ANKMY2: variants seen among roughly 807,000 people sequenced by gnomAD.
The protein encoded by ANKMY2 is ankyrin repeat and MYND domain-containing protein 2.
In ANKMY2, 36 loss-of-function variants were observed where a neutral mutation model predicts 50.4. That is an observed-to-expected ratio of 0.71 (90% confidence interval 0.55 to 0.94). ANKMY2 has a LOEUF of 0.94. ANKMY2 is among the 40% of genes least tolerant of loss of function. The pLI is 0.00. For missense variants in ANKMY2, 565 were observed against 524.0 expected (o/e 1.08, Z -0.76); for synonymous variants, 187 against 178.8 (o/e 1.05, Z -0.36).
intron 4 of ANKMY2, 24 bp downstream of exon 4, chr7:16,624,959 T>C: frequency 6.2e-7 from 1 of 1,605,824 alleles, no homozygotes; most frequent in Non-Finnish European, 8.5e-7. Context: ...TATAATCTAA[T>C]GCAAAACTGC....
chr7:16,606,653 T>C (rs540832116), intron 7 of ANKMY2, among the ~76,000 whole-genome samples: 8 of 152,240 alleles, frequency 5.3e-5, no homozygotes, highest in Non-Finnish European at 7.3e-5. Flanking sequence ...CTAAGAATAT[T>C]TGTTTTTATA....
Position 16,645,754 on chromosome 7 carries a change from C to T in ANKMY2, c.-181G>A, listed in dbSNP as rs564044795. ...CGGGCTGGCGGACAGCGGGCGAGCT[C>T]GGGCGAGCCAGGCGGACGGTCTCCG... On this transcript the variant is annotated 5_prime_UTR_variant, in exon 1 of 10. Coordinates refer to ENST00000306999, the MANE Select transcript of ANKMY2 (RefSeq NM_020319.3). 5 of 628,552 alleles carry T rather than the reference C, an allele frequency of 8.0e-6. No homozygotes were observed. The highest frequency in any genetic ancestry group is 4.7e-4 in the Middle Eastern group (1 of 2,118). 38.9% of individuals were successfully genotyped at this position (628,552 alleles called of 1,614,324 possible).
At chr7:16,618,658 T>C (rs1781392262) in intron 4 of ANKMY2, among the ~76,000 whole-genome samples, 1 of 152,170 alleles carries the variant, frequency 6.6e-6, no homozygotes, top group African/African-American at 2.4e-5. Flanking sequence ...GCAGTCTATA[T>C]TAAAAATGTG....
intron 1 of ANKMY2, among the ~76,000 whole-genome samples, chr7:16,640,004 A>G (rs2128346869): frequency 6.6e-6 from 1 of 151,958 alleles, no homozygotes; most frequent in East Asian, 1.9e-4. Context: ...TACTAAAAAA[A>G]AAAATACAAA....
intron 1 of ANKMY2, 125 bp downstream of exon 1, chr7:16,645,382 C>T (rs1012255214): frequency 1.7e-5 from 16 of 930,212 alleles, no homozygotes; most frequent in Non-Finnish European, 2.3e-5. Context: ...CGCTCTTTCC[C>T]GGTTCCAGGC....
intron 8 of ANKMY2, 74 bp from the exon 9 acceptor site, chr7:16,602,583 G>A (rs1021431229): frequency 2.0e-6 from 3 of 1,500,978 alleles, no homozygotes; most frequent in Non-Finnish European, 2.7e-6. Context: ...ACTAAACCAA[G>A]AACTAAGCTA....
Position 16,645,601 on chromosome 7 carries a change from C to CT in ANKMY2, c.-29dup, listed in dbSNP as rs1214223780. 5 of 1,606,158 alleles carry CT rather than the reference C, an allele frequency of 3.1e-6. No individual in the cohort carries two copies. Among genetic ancestry groups the CT allele is most frequent in the Non-Finnish European group, 4.2e-6 (5 of 1,176,662 alleles). ...CTCCCGCCAGCTTGAAGGTTATTCCCTTTCTTAGGGAGTATTAAAAAAGAA... is the reference window on the plus strand; with the variant it reads ...CTCCCGCCAGCTTGAAGGTTATTCCCTTTTCTTAGGGAGTATTAAAAAAGAA... On this transcript the variant is annotated 5_prime_UTR_variant, in exon 1 of 10. Coordinates refer to ENST00000306999, the MANE Select transcript of ANKMY2 (RefSeq NM_020319.3).
In ANKMY2 at chr7:16,641,810, T is replaced by C. The variant is rs546931875; in HGVS notation, c.67+3697A>G. ...CCCCCCCTCAAAAAAAGGATACTTA[T>C]TGTATGATTCTACTAATATAAAATT... On this transcript the variant is annotated intron_variant, in intron 1 of 9. Transcript: ENST00000306999. Among the ~76,000 whole-genome samples the C allele has an allele frequency of 3.9e-5, 6 of 152,286 alleles. No individual in the cohort carries two copies. The South Asian group carries it at 1.2e-3, about 32-fold the overall frequency.
At position 16,645,587 on chromosome 7, in the gene ANKMY2, T is replaced by A; in HGVS notation, c.-14A>T. The A allele has an allele frequency of 1.9e-6, 3 of 1,609,694 alleles. No individual in the cohort carries two copies. The highest frequency in any genetic ancestry group is 1.1e-5 in the South Asian group (1 of 90,474). On this transcript the variant is annotated 5_prime_UTR_variant, in exon 1 of 10. In the 5' UTR this introduces an upstream ATG that the reference lacks. Transcript: ENST00000306999. Reference sequence around the variant, plus strand: ...TATGTGAACCATTGCTCCCGCCAGCTTGAAGGTTATTCCCTTTCTTAGGGA... The same window carrying A: ...TATGTGAACCATTGCTCCCGCCAGCATGAAGGTTATTCCCTTTCTTAGGGA...
intron 1 of ANKMY2, among the ~76,000 whole-genome samples, chr7:16,643,623 A>G (rs1019835705): frequency 1.3e-5 from 2 of 151,424 alleles, no homozygotes; most frequent in Non-Finnish European, 2.9e-5. Context: ...TATAATCTTC[A>G]AAATAAATAC....
At chr7:16,617,693 T>C (rs574107630) in intron 4 of ANKMY2, among the ~76,000 whole-genome samples, 1 of 152,118 alleles carries the variant, frequency 6.6e-6, no homozygotes, top group South Asian at 2.1e-4. Flanking sequence ...AGGGCAGGCA[T>C]GGTGGCTCAT....
At chr7:16,640,036 C>T (rs1241733686) in intron 1 of ANKMY2, among the ~76,000 whole-genome samples, 1 of 151,558 alleles carries the variant, frequency 6.6e-6, no homozygotes, top group Admixed American at 6.6e-5. Flanking sequence ...TGTAGTGGTG[C>T]GTGCTCGTAG....
At chr7:16,637,736 C>G (rs986756386) in intron 1 of ANKMY2, among the ~76,000 whole-genome samples, 2 of 152,310 alleles carry the variant, frequency 1.3e-5, no homozygotes, top group Middle Eastern at 3.4e-3. Flanking sequence ...AAGAATAAAA[C>G]CAGAACAAAA....
intron 1 of ANKMY2, chr7:16,644,707 A>G (rs1294819939): frequency 2.1e-6 from 1 of 471,172 alleles, no homozygotes; most frequent in African/African-American, 2.0e-5. Context: ...GGGACTCGGC[A>G]GGGAACTCCT....
At chr7:16,617,467 C>T (rs1781371969) in intron 4 of ANKMY2, among the ~76,000 whole-genome samples, 1 of 152,194 alleles carries the variant, frequency 6.6e-6, no homozygotes, top group Non-Finnish European at 1.5e-5. Context: ...ATGCCTCCAA[C>T]AGAGGGCTTC....
At chr7:16,612,728 C>T (rs1176268946) in intron 5 of ANKMY2, among the ~76,000 whole-genome samples, 1 of 152,062 alleles carries the variant, frequency 6.6e-6, no homozygotes, top group East Asian at 1.9e-4. Flanking sequence ...TGACAAATAA[C>T]CACATCATTA....
chr7:16,628,457 C>G (rs1469459095), intron 2 of ANKMY2, among the ~76,000 whole-genome samples: 9 of 125,828 alleles, frequency 7.2e-5, no homozygotes, highest in Non-Finnish European at 1.4e-4. Context: ...CAGATGATAA[C>G]TTTGAAGACT....
At chr7:16,603,456 G>A (rs1350984046) in intron 8 of ANKMY2, 4 of 349,912 alleles carry the variant, frequency 1.1e-5, no homozygotes, top group Admixed American at 7.0e-5. Flanking sequence ...TGAATGATAT[G>A]TTCAAGAACA....
At chr7:16,606,031 C>G (rs1403387643) in intron 7 of ANKMY2, among the ~76,000 whole-genome samples, 1 of 151,844 alleles carries the variant, frequency 6.6e-6, no homozygotes, top group Non-Finnish European at 1.5e-5. Context: ...GTTGGCCAGG[C>G]TGGTCTCAAA....
Sources: allele counts gnomAD v4.1 joint callset (sites outside exome capture counted in the v4.1 genomes callset), GRCh38; gene constraint gnomAD v4.1.1; transcripts MANE v1.5; gene names NCBI Gene and HGNC (gene_info 2026-07-23, HGNC 2026-07-21).